The following MYL12B variants were observed in gnomAD, a reference collection of about 807,000 sequenced individuals.
MYL12B encodes myosin regulatory light chain 12B.
A neutral mutation model predicts 12.9 loss-of-function variants in MYL12B; 3 were observed. The observed-to-expected ratio is 0.23, with a 90% CI of 0.11 to 0.60. The LOEUF (loss-of-function observed/expected upper bound fraction) is 0.60. Among genes scored for constraint, MYL12B ranks in the 20% least tolerant of loss-of-function variants. MYL12B has a pLI of 0.89. For missense variants in MYL12B, 120 were observed against 215.4 expected, an observed-to-expected ratio of 0.56 and a Z score of 2.77; for synonymous variants, 57 against 71.9, an observed-to-expected ratio of 0.79 and a Z score of 1.05.
chr18:3,273,282 G>T (rs1039137213), intron 2 of MYL12B, among the ~76,000 whole-genome samples, 200 bp downstream of exon 2: 2 of 152,168 alleles, frequency 1.3e-5, no homozygotes, highest in Non-Finnish European at 2.9e-5. Context: ...CCTGGCAGAT[G>T]CTGTGCCCGG....
intron 1 of MYL12B, among the ~76,000 whole-genome samples, chr18:3,264,237 T>G (rs1964204082): frequency 6.6e-6 from 1 of 152,166 alleles, no homozygotes; most frequent in South Asian, 2.1e-4. Context: ...TAATTCTGTT[T>G]GTGACAGGAA....
chr18:3,273,150 T>G, intron 2 of MYL12B, 68 bp downstream of exon 2: 1 of 1,466,916 alleles, frequency 6.8e-7, no homozygotes, highest in Non-Finnish European at 9.2e-7. Flanking sequence ...AATCTTTTTT[T>G]TGTGCGATGT....
chr18:3,273,844 G>C lies in MYL12B; in HGVS notation c.184+762G>C, dbSNP rs970478754. Among the ~76,000 whole-genome samples the C allele has an allele frequency of 1.8e-4, 13 of 71,742 alleles. No individual in the cohort carries two copies. In the South Asian group the frequency reaches 7.8e-3, roughly 43 times the overall value. The allele number at this position is 71,742 out of a possible 152,430, so 47.1% of individuals were successfully genotyped here. On this transcript the variant is annotated intron_variant, in intron 2 of 3. Transcript: ENST00000237500. ...GACTGGCCAAAAAGGCAAAGAAAGAGGTGGGGGTTTTTTTTTTCTCTCTTT... is the reference window on the plus strand; with the variant it reads ...GACTGGCCAAAAAGGCAAAGAAAGACGTGGGGGTTTTTTTTTTCTCTCTTT...
chr18:3,265,470 C>T (rs1465513714), intron 1 of MYL12B, among the ~76,000 whole-genome samples: 2 of 152,178 alleles, frequency 1.3e-5, no homozygotes, highest in African/African-American at 4.8e-5. Context: ...CCAAGAACTA[C>T]TCTCTGCTTT....
chr18:3,266,592 G>A lies in MYL12B; in HGVS notation c.-16+4355G>A, dbSNP rs528417012. ...GACAGATAACAAACTAATACCAGCT[G>A]GGATAAGGAGATGTAGGGAGTAGAG... On this transcript the variant is annotated intron_variant, in intron 1 of 3. Transcript: ENST00000237500. 3.4e-3 allele frequency among the ~76,000 whole-genome samples: 521 copies of A among 151,710 alleles called. 1 individual carries two copies. Among genetic ancestry groups the A allele is most frequent in the Non-Finnish European group, 5.6e-3 (383 of 67,948 alleles).
intron 1 of MYL12B, 101 bp from the exon 2 acceptor site, chr18:3,272,783 T>C (rs1384052371): frequency 4.7e-6 from 5 of 1,061,442 alleles, no homozygotes; most frequent in Non-Finnish European, 6.5e-6. Context: ...TAATTCCTTA[T>C]TGATATTTTT....
chr18:3,264,584 T>A (rs987743897), intron 1 of MYL12B, among the ~76,000 whole-genome samples: 2 of 152,168 alleles, frequency 1.3e-5, no homozygotes, highest in Admixed American at 1.3e-4. Flanking sequence ...TGGTGACTCA[T>A]GCCTGTAGTC....
chr18:3,274,522 A>T (rs2081712671), intron 2 of MYL12B, among the ~76,000 whole-genome samples: 1 of 152,220 alleles, frequency 6.6e-6, no homozygotes, highest in Non-Finnish European at 1.5e-5. Context: ...GTAGAAGAAG[A>T]TTTATAGACA....
At position 3,277,343 on chromosome 18, in the gene MYL12B, A is replaced by G; in HGVS notation, c.275A>G (p.Glu92Gly). The G allele has an allele frequency of 6.2e-7, 1 of 1,614,046 alleles. No individual in the cohort carries two copies. The highest frequency in any genetic ancestry group is 8.5e-7 in the Non-Finnish European group (1 of 1,179,904). The change falls in exon 3 of 4, where the codon GAG (glutamate) becomes GGG (glycine). Residue 92 changes from glutamate (E) to glycine (G), a missense_variant. Transcript: ENST00000237500. ...NFTMFLTMFGEKLNGTDPEDV... is the reference protein window; with the variant it reads ...NFTMFLTMFGGKLNGTDPEDV... ...ACCATGTTCCTGACCATGTTTGGTG[A>G]GAAGTTAAATGGCACAGATCCTGAA...
At chr18:3,275,938 A>G in intron 2 of MYL12B, among the ~76,000 whole-genome samples, 1 of 152,164 alleles carries the variant, frequency 6.6e-6, no homozygotes, top group East Asian at 1.9e-4. Flanking sequence ...CAATGCAGTG[A>G]AATAGATGCC....
intron 1 of MYL12B, chr18:3,272,165 CT>C: frequency 2.4e-6 from 2 of 848,272 alleles, no homozygotes; most frequent in South Asian, 5.9e-5. Flanking sequence ...AAGATGAGAC[CT>C]TTTTTGAACA....
At chr18:3,276,710 C>A in intron 2 of MYL12B, 1 of 275,146 alleles carries the variant, frequency 3.6e-6, no homozygotes, top group Non-Finnish European at 4.1e-6. Context: ...TGGTATTGAA[C>A]TGACTCCCCG....
At chr18:3,262,300 C>CG (rs2081597627) in intron 1 of MYL12B, 63 bp downstream of exon 1, 1 of 152,146 alleles carries the variant, frequency 6.6e-6, no homozygotes, top group Non-Finnish European at 1.5e-5. Flanking sequence ...CCCCCGCGCC[C>CG]CCTCCCGTCG....
At chr18:3,271,509 C>G (rs963636514) in intron 1 of MYL12B, among the ~76,000 whole-genome samples, 2 of 152,162 alleles carry the variant, frequency 1.3e-5, no homozygotes, top group African/African-American at 2.4e-5. Flanking sequence ...AGTCATTGAC[C>G]TCTCTAGTCA....
rs1278556445 is a variant in MYL12B at position 3,277,122 on chromosome 18, TTA to T, written c.185-130_185-129del. The T allele has an allele frequency of 3.1e-4, 387 of 1,262,838 alleles. 2 individuals carry two copies. The highest frequency in any genetic ancestry group is 8.8e-4 in the Middle Eastern group (3 of 3,400). The allele number at this position is 1,262,838 out of a possible 1,614,324, so 78.2% of individuals were successfully genotyped here. A position where few individuals can be genotyped will look rare whatever the true frequency, so the allele number is the denominator to read the frequency against. ...CAAAAATAATCTTTTTAAAATGTTC[TTA>T]AAGTTAATTGAAAAATTAGTTTCAA... is the stretch of plus-strand genomic sequence containing the variant. On this transcript the variant is annotated intron_variant, in intron 2 of 3. Transcript: ENST00000237500.
At chr18:3,273,201 A>G (rs898063717) in intron 2 of MYL12B, 119 bp downstream of exon 2, 6 of 1,162,350 alleles carry the variant, frequency 5.2e-6, no homozygotes, top group Non-Finnish European at 7.0e-6. Flanking sequence ...CTCTGGAGAG[A>G]TTTCTGGGTG....
At chr18:3,269,493 A>C (rs955488918) in intron 1 of MYL12B, among the ~76,000 whole-genome samples, 7 of 152,128 alleles carry the variant, frequency 4.6e-5, no homozygotes, top group Admixed American at 1.3e-4. Context: ...TGCTGGGTAG[A>C]TGATTGGAAA....
intron 1 of MYL12B, among the ~76,000 whole-genome samples, chr18:3,271,239 G>A (rs2144359555): frequency 6.6e-6 from 1 of 152,124 alleles, no homozygotes; most frequent in East Asian, 1.9e-4. Flanking sequence ...ATATAACTAA[G>A]GTCAAATAAC....
At chr18:3,263,756 T>G (rs2081614751) in intron 1 of MYL12B, among the ~76,000 whole-genome samples, 1 of 152,192 alleles carries the variant, frequency 6.6e-6, no homozygotes, top group Non-Finnish European at 1.5e-5. Flanking sequence ...CACATTAGCT[T>G]TGGGGTGTCA....
Sources: gnomAD v4.1 joint callset for allele counts (sites outside exome capture counted in the v4.1 genomes callset) on GRCh38, gnomAD v4.1.1 for gene constraint, MANE v1.5 for transcripts, NCBI Gene and HGNC (gene_info 2026-07-23, HGNC 2026-07-21) for gene names.